The following STRN3 variants were observed in gnomAD, a reference collection of about 807,000 sequenced individuals.
The protein encoded by STRN3 is striatin 3.
In STRN3, 29 loss-of-function variants were observed where a neutral mutation model predicts 95.6. The observed-to-expected ratio is 0.30, with a 90% CI of 0.23 to 0.41. The LOEUF (loss-of-function observed/expected upper bound fraction) is 0.41. STRN3 is among the 10% of genes least tolerant of loss of function. The pLI, the probability that STRN3 is intolerant of heterozygous loss-of-function variation, is 1.00. For synonymous variants in STRN3, 331 were observed against 357.6 expected, an observed-to-expected ratio of 0.93 and a Z score of 0.84; for missense variants, 890 against 972.1, an observed-to-expected ratio of 0.92 and a Z score of 1.12.
intron 10 of STRN3, among the ~76,000 whole-genome samples, chr14:30,913,056 C>T (rs573650915): frequency 6.6e-6 from 1 of 152,228 alleles, no homozygotes; most frequent in East Asian, 1.9e-4. Flanking sequence ...ATCCACTCCC[C>T]AATCCTCTAA....
intron 1 of STRN3, among the ~76,000 whole-genome samples, chr14:30,964,084 T>G (rs1880350442): frequency 6.6e-6 from 1 of 152,036 alleles, no homozygotes; most frequent in African/African-American, 2.4e-5. Context: ...AAACCCCATC[T>G]CTCGTAAAAA....
intron 3 of STRN3, among the ~76,000 whole-genome samples, chr14:30,954,368 T>C (rs1211261783): frequency 6.6e-6 from 1 of 152,248 alleles, no homozygotes; most frequent in Non-Finnish European, 1.5e-5. Flanking sequence ...TCTTCTACTA[T>C]GATCAAATCA....
intron 1 of STRN3, among the ~76,000 whole-genome samples, chr14:30,997,961 T>G (rs561496634): frequency 6.6e-6 from 1 of 152,288 alleles, no homozygotes; most frequent in East Asian, 1.9e-4. Flanking sequence ...GAGTGTCCAT[T>G]AAACAAATAT....
intron 8 of STRN3, among the ~76,000 whole-genome samples, chr14:30,919,956 A>C (rs1340386615): frequency 6.6e-6 from 1 of 152,178 alleles, no homozygotes; most frequent in African/African-American, 2.4e-5. Flanking sequence ...GTCAGAAAAA[A>C]ACTTTGAAAA....
chr14:31,014,974 T>C (rs1284168081), intron 1 of STRN3, among the ~76,000 whole-genome samples: 1 of 152,032 alleles, frequency 6.6e-6, no homozygotes, highest in Admixed American at 6.6e-5. Flanking sequence ...ATTACAGGCA[T>C]GCGCCACCAT....
chr14:31,008,196 A>G (rs185683875), intron 1 of STRN3, among the ~76,000 whole-genome samples: 1 of 22,020 alleles, frequency 4.5e-5, no homozygotes. Flanking sequence ...GTCTCAAAAA[A>G]AAAAGAAAAA....
intron 1 of STRN3, among the ~76,000 whole-genome samples, chr14:30,973,580 C>T (rs1409551996): frequency 6.6e-6 from 1 of 152,134 alleles, no homozygotes; most frequent in African/African-American, 2.4e-5. Context: ...TCAAACTTTT[C>T]CAAAAATCTG....
At chr14:30,996,995 G>A (rs1334781874) in intron 1 of STRN3, among the ~76,000 whole-genome samples, 1 of 152,060 alleles carries the variant, frequency 6.6e-6, no homozygotes. Context: ...ATTAACAAGA[G>A]GCGAAAGTAA....
rs146284470 is a variant in STRN3 at position 30,972,376 on chromosome 14, C to T, written c.283-16134G>A. ...AACCCTAGTCAACAGGGGAATGACA[C>T]AGCAGCAAGGGGCCACATGCATCAG... On this transcript the variant is annotated intron_variant, in intron 1 of 17. Transcript: ENST00000357479. Among the ~76,000 whole-genome samples, 483 of 152,294 alleles carry T rather than the reference C, an allele frequency of 3.2e-3. 3 individuals are homozygous for T. Among genetic ancestry groups the T allele is most frequent in the African/African-American group, 0.011 (454 of 41,544 alleles).
Position 31,026,222 on chromosome 14 carries a change from G to T in STRN3, c.-37C>A. ...CCCCGGCCGGGGCGCAGGGCGAGAC[G>T]CCGACAGCTGGGGGAAGGGCCGGAG... On this transcript the variant is annotated 5_prime_UTR_variant, in exon 1 of 18. Coordinates refer to ENST00000357479, the MANE Select transcript of STRN3 (RefSeq NM_001083893.2). The T allele has an allele frequency of 7.2e-7, 1 of 1,381,332 alleles. No homozygotes were observed. Among genetic ancestry groups the T allele is most frequent in the Non-Finnish European group, 9.3e-7 (1 of 1,076,480 alleles). 85.6% of individuals were successfully genotyped at this position (1,381,332 alleles called of 1,614,324 possible).
At chr14:30,928,857 T>C (rs1251875301) in intron 8 of STRN3, among the ~76,000 whole-genome samples, 1 of 149,508 alleles carries the variant, frequency 6.7e-6, no homozygotes, top group Non-Finnish European at 1.5e-5. Context: ...CTATACTCTA[T>C]GTATCAAAAA....
At chr14:31,003,058 T>C (rs1882542787) in intron 1 of STRN3, among the ~76,000 whole-genome samples, 1 of 151,670 alleles carries the variant, frequency 6.6e-6, no homozygotes, top group Admixed American at 6.6e-5. Context: ...GGTCAGGAGA[T>C]TGAGACCATC....
intron 1 of STRN3, among the ~76,000 whole-genome samples, chr14:31,020,421 C>T (rs1230270349): frequency 1.3e-5 from 2 of 151,790 alleles, no homozygotes; most frequent in African/African-American, 4.8e-5. Context: ...ACTGCCTGAA[C>T]CCAGGAAGTG....
At chr14:30,919,610 C>T (rs1388121915) in intron 8 of STRN3, among the ~76,000 whole-genome samples, 1 of 152,068 alleles carries the variant, frequency 6.6e-6, no homozygotes, top group Non-Finnish European at 1.5e-5. Flanking sequence ...CTGGTGTTTC[C>T]ATGGATATTT....
At chr14:30,928,205 C>T (rs1306959190) in intron 8 of STRN3, among the ~76,000 whole-genome samples, 2 of 152,160 alleles carry the variant, frequency 1.3e-5, no homozygotes, top group Non-Finnish European at 2.9e-5. Flanking sequence ...CCCAAAACTT[C>T]ACTTATTAGC....
intron 1 of STRN3, among the ~76,000 whole-genome samples, chr14:31,013,084 C>G (rs1287682009): frequency 1.3e-5 from 2 of 151,822 alleles, no homozygotes; most frequent in African/African-American, 2.4e-5. Context: ...CACAGGGAGA[C>G]CCCCATCTCT....
At chr14:30,949,383 C>T (rs918025547) in intron 4 of STRN3, among the ~76,000 whole-genome samples, 4 of 152,162 alleles carry the variant, frequency 2.6e-5, no homozygotes, top group Admixed American at 6.5e-5. Context: ...GAGGCCAAGG[C>T]GGGCAGATCA....
rs555123275 is a variant in STRN3, at chr14:30,901,906, G to T, written c.2137+630C>A. Among the ~76,000 whole-genome samples, 20 of 152,184 alleles carry T rather than the reference G, an allele frequency of 1.3e-4. No individual in the cohort carries two copies. The East Asian group carries it at 2.3e-3, about 18-fold the overall frequency. On this transcript the variant is annotated intron_variant, in intron 16 of 17. Transcript: ENST00000357479. Reference sequence around the variant, plus strand: ...TGGACGACCGGGCGCGGTGGCTCATGCCTGTAATCCCAGCACTTTGGGAGG... The same window carrying T: ...TGGACGACCGGGCGCGGTGGCTCATTCCTGTAATCCCAGCACTTTGGGAGG...
intron 1 of STRN3, among the ~76,000 whole-genome samples, chr14:31,020,273 C>A (rs1199277188): frequency 6.6e-6 from 1 of 151,810 alleles, no homozygotes; most frequent in Non-Finnish European, 1.5e-5. Context: ...CCAAGGCAGG[C>A]GGATTACTTG....
Sources: gnomAD v4.1 joint callset for allele counts (sites outside exome capture counted in the v4.1 genomes callset) on GRCh38, gnomAD v4.1.1 for gene constraint, MANE v1.5 for transcripts, NCBI Gene and HGNC (gene_info 2026-07-23, HGNC 2026-07-21) for gene names.